The following ITGB6 variants were observed in gnomAD, a reference collection of about 807,000 sequenced individuals.
ITGB6 encodes the protein integrin subunit beta 6.
Under a neutral mutation model 84.5 loss-of-function variants are expected in ITGB6, and 80 were observed. The observed-to-expected ratio is 0.95, with a 90% CI of 0.79 to 1.14. The LOEUF (loss-of-function observed/expected upper bound fraction) is 1.14, where lower values mean the gene tolerates loss of function less well. ITGB6 is among the 50% of genes most tolerant of loss of function. The pLI, the probability that ITGB6 is intolerant of heterozygous loss-of-function variation, is 0.00. For missense variants in ITGB6, 1,006 were observed against 968.0 expected (o/e 1.04, Z -0.52); for synonymous variants, 383 against 354.9 (o/e 1.08, Z -0.89).
intron 4 of ITGB6, among the ~76,000 whole-genome samples, chr2:160,191,165 A>G (rs1314130096): frequency 1.3e-5 from 2 of 152,216 alleles, no homozygotes; most frequent in African/African-American, 4.8e-5. Flanking sequence ...GAATCAAGCA[A>G]TTAATAACAA....
chr2:160,192,060 T>C (rs1337696630), intron 4 of ITGB6, among the ~76,000 whole-genome samples: 1 of 152,160 alleles, frequency 6.6e-6, no homozygotes, highest in Non-Finnish European at 1.5e-5. Flanking sequence ...TCCCCACAAA[T>C]TGATCTATGG....
intron 4 of ITGB6, among the ~76,000 whole-genome samples, chr2:160,192,037 A>C (rs532345634): frequency 9.2e-5 from 14 of 152,304 alleles, no homozygotes; most frequent in Non-Finnish European, 1.9e-4. Context: ...CAATATGTGT[A>C]AGATGTTCAA....
intron 12 of ITGB6, among the ~76,000 whole-genome samples, chr2:160,113,297 C>T (rs192835600): frequency 6.6e-6 from 1 of 152,226 alleles, no homozygotes; most frequent in East Asian, 1.9e-4. Flanking sequence ...CTGAATCTAA[C>T]AAAAATTAAA....
intron 7 of ITGB6, among the ~76,000 whole-genome samples, chr2:160,144,922 CTATT>C (rs1056777267): frequency 4.6e-5 from 7 of 152,162 alleles, no homozygotes; most frequent in Non-Finnish European, 1.0e-4. Context: ...CAGAGGAAAA[CTATT>C]AATTAATTTC....
At chr2:160,177,376 C>G (rs796915768) in intron 4 of ITGB6, among the ~76,000 whole-genome samples, 3 of 152,064 alleles carry the variant, frequency 2.0e-5, no homozygotes, top group East Asian at 3.9e-4. Flanking sequence ...ACCATCCTGG[C>G]TAACACGGTG....
chr2:160,156,052 A>C (rs1320571678), intron 7 of ITGB6, among the ~76,000 whole-genome samples: 1 of 152,236 alleles, frequency 6.6e-6, no homozygotes, highest in Non-Finnish European at 1.5e-5. Context: ...ACTCCTATAG[A>C]AATGGGCCAA....
chr2:160,186,684 T>C (rs938550783), intron 4 of ITGB6, among the ~76,000 whole-genome samples: 3 of 152,234 alleles, frequency 2.0e-5, no homozygotes, highest in African/African-American at 4.8e-5. Flanking sequence ...ACTGTGGCAC[T>C]GTTCAAAATA....
At chr2:160,143,315 C>G (rs948577264) in intron 7 of ITGB6, among the ~76,000 whole-genome samples, 7 of 152,070 alleles carry the variant, frequency 4.6e-5, no homozygotes, top group African/African-American at 1.7e-4. Flanking sequence ...ATTAAATAAA[C>G]TATGGTTCTG....
At chr2:160,135,283 C>A (rs750942761) in intron 10 of ITGB6, among the ~76,000 whole-genome samples, 4 of 152,020 alleles carry the variant, frequency 2.6e-5, no homozygotes, top group African/African-American at 9.7e-5. Flanking sequence ...AGCCAAATCG[C>A]GAGTGAACTC....
chr2:160,180,896 C>G (rs1375405585), intron 4 of ITGB6, among the ~76,000 whole-genome samples: 3 of 152,152 alleles, frequency 2.0e-5, no homozygotes, highest in Admixed American at 6.5e-5. Flanking sequence ...GTCAGGAACT[C>G]CCTCCCCTAG....
At chr2:160,106,226 C>G (rs1009193235) in intron 14 of ITGB6, among the ~76,000 whole-genome samples, 1 of 152,028 alleles carries the variant, frequency 6.6e-6, no homozygotes, top group Non-Finnish European at 1.5e-5. Context: ...TTTTTTCAGT[C>G]TTTTTATGTA....
intron 12 of ITGB6, among the ~76,000 whole-genome samples, chr2:160,116,960 C>G (rs1682804983): frequency 6.6e-6 from 1 of 151,712 alleles, no homozygotes; most frequent in South Asian, 2.1e-4. Flanking sequence ...ACAAGAAGAG[C>G]TAACTATCCT....
chr2:160,192,968 T>A (rs942851193), intron 4 of ITGB6, among the ~76,000 whole-genome samples: 3 of 152,118 alleles, frequency 2.0e-5, no homozygotes, highest in African/African-American at 7.2e-5. Context: ...ATGGCTAAAA[T>A]TTTAAAAACT....
At chr2:160,122,056 G>T (rs376958349) in intron 12 of ITGB6, among the ~76,000 whole-genome samples, 25 of 151,980 alleles carry the variant, frequency 1.6e-4, no homozygotes, top group East Asian at 1.6e-3. Context: ...CTTATAAAAA[G>T]GCTCATTAGA....
intron 4 of ITGB6, among the ~76,000 whole-genome samples, chr2:160,181,893 A>C (rs1685693768): frequency 6.6e-6 from 1 of 152,232 alleles, no homozygotes; most frequent in African/African-American, 2.4e-5. Flanking sequence ...CCTGCAGCAG[A>C]GGGGCCTGAT....
At chr2:160,149,064 G>A (rs1684303382) in intron 7 of ITGB6, among the ~76,000 whole-genome samples, 2 of 152,232 alleles carry the variant, frequency 1.3e-5, no homozygotes, top group East Asian at 1.9e-4. Flanking sequence ...AGACTTAAAC[G>A]TCCCTGTCTG....
chr2:160,133,381 C>T (rs1333917889), intron 10 of ITGB6, among the ~76,000 whole-genome samples: 3 of 152,138 alleles, frequency 2.0e-5, no homozygotes, highest in African/African-American at 7.2e-5. Flanking sequence ...TATACGCACC[C>T]AGTACAGGAG....
At chr2:160,107,541 C>T in intron 14 of ITGB6, 138 bp downstream of exon 14, 3 of 731,700 alleles carry the variant, frequency 4.1e-6, no homozygotes, top group Admixed American at 2.4e-5. Flanking sequence ...GAAATCAAAG[C>T]TGTTGGAGTC....
At position 160,137,840 on chromosome 2, in the gene ITGB6, G is replaced by A. The variant is rs144315908; in HGVS notation, c.1254C>T (p.Ser418=). The A allele has an allele frequency of 5.7e-5, 92 of 1,612,878 alleles. No individual in the cohort carries two copies. Among genetic ancestry groups the A allele is most frequent in the African/African-American group, 3.6e-4 (27 of 74,892 alleles). ...HMKVGDTASF[S]VTVNIPHCER... ...CGCAGTGTGGGATATTCACAGTCAC[G>A]CTGAAGGAAGCCTGGAAAAGAAAAT... Residue 418 remains serine (S), a synonymous_variant, in exon 10 of 15, where the codon AGC becomes AGT. Coordinates refer to ENST00000283249, the MANE Select transcript of ITGB6 (RefSeq NM_000888.5).
Sources: gnomAD v4.1 joint callset for allele counts (sites outside exome capture counted in the v4.1 genomes callset) on GRCh38, gnomAD v4.1.1 for gene constraint, MANE v1.5 for transcripts, NCBI Gene and HGNC (gene_info 2026-07-23, HGNC 2026-07-21) for gene names.